Variants in LGR6 observed in about 807,000 individuals in gnomAD.
The protein encoded by LGR6 is leucine rich repeat containing G protein-coupled receptor 6.
Under a neutral mutation model 69.4 loss-of-function variants are expected in LGR6, and 45 were observed. The observed-to-expected ratio is 0.65, with a 90% confidence interval of 0.51 to 0.83. The LOEUF (loss-of-function observed/expected upper bound fraction) is 0.83, where lower values mean the gene tolerates loss of function less well. LGR6 is among the 40% of genes least tolerant of loss of function. The pLI, the probability that LGR6 is intolerant of heterozygous loss-of-function variation, is 0.00. For missense variants in LGR6, 1,108 were observed against 1,246.7 expected (o/e 0.89, Z 1.68); for synonymous variants, 538 against 555.0 (o/e 0.97, Z 0.43).
At chr1:202,278,312 T>C (rs1665745486) in intron 5 of LGR6, among the ~76,000 whole-genome samples, 1 of 151,874 alleles carries the variant, frequency 6.6e-6, no homozygotes, top group South Asian at 2.1e-4. Context: ...TGAGAGATTT[T>C]CAGAGGGTAG....
chr1:202,291,970 G>A (rs1293255060), intron 6 of LGR6, among the ~76,000 whole-genome samples: 3 of 152,204 alleles, frequency 2.0e-5, no homozygotes, highest in Non-Finnish European at 2.9e-5. Flanking sequence ...TGGATTGAGG[G>A]AGAAAGGTAT....
chr1:202,317,637 T>C (rs1654249525), intron 17 of LGR6, among the ~76,000 whole-genome samples: 1 of 152,214 alleles, frequency 6.6e-6, no homozygotes, highest in African/African-American at 2.4e-5. Context: ...TGAGCCACCA[T>C]GCCTGGCCTA....
intron 4 of LGR6, among the ~76,000 whole-genome samples, chr1:202,272,414 T>C (rs1220793845): frequency 1.3e-5 from 2 of 152,156 alleles, no homozygotes; most frequent in African/African-American, 4.8e-5. Context: ...CCAGTTTTCT[T>C]CCTTTTCTCC....
At chr1:202,198,221 G>C (rs1484522510) in intron 1 of LGR6, among the ~76,000 whole-genome samples, 1 of 152,174 alleles carries the variant, frequency 6.6e-6, no homozygotes, top group East Asian at 1.9e-4. Flanking sequence ...GCAGGATGCT[G>C]GAGGCAGAGA....
At chr1:202,208,404 G>T (rs373109397) in intron 1 of LGR6, among the ~76,000 whole-genome samples, 11 of 135,340 alleles carry the variant, frequency 8.1e-5, no homozygotes, top group South Asian at 2.2e-4. Flanking sequence ...GGAGAAGGAG[G>T]GGGGAGAGAG....
chr1:202,316,888 A>G (rs188634028), intron 17 of LGR6, among the ~76,000 whole-genome samples: 1 of 152,322 alleles, frequency 6.6e-6, no homozygotes, highest in East Asian at 1.9e-4. Flanking sequence ...CTTTGGAGAG[A>G]GGGATGGAAA....
Position 202,235,963 on chromosome 1 carries a change from CG to C in LGR6, c.399del (p.Leu134CysfsTer12). On this transcript the variant is annotated frameshift_variant, in exon 4 of 18. Coordinates refer to ENST00000367278, the MANE Select transcript of LGR6 (RefSeq NM_001017403.2). LOFTEE classifies it high-confidence loss of function. ...NNQLGGIPAE[A>X]LWELPSLQSL... The stretch of plus-strand genomic sequence containing the variant: ...CAGCTGGGAGGAATCCCCGCAGAGG[CG>C]CTGTGGGAGCTGCCGAGCCTGCAGT... The C allele has an allele frequency of 6.2e-7, 1 of 1,613,964 alleles. No individual in the cohort carries two copies. Among genetic ancestry groups the C allele is most frequent in the Non-Finnish European group, 8.5e-7 (1 of 1,179,994 alleles).
intron 15 of LGR6, 94 bp from the exon 16 acceptor site, chr1:202,310,103 C>A: frequency 7.6e-7 from 1 of 1,307,880 alleles, no homozygotes; most frequent in Non-Finnish European, 1.1e-6. Flanking sequence ...ACACTGAGTG[C>A]CCAGCCCCTG....
intron 4 of LGR6, among the ~76,000 whole-genome samples, chr1:202,247,308 C>T (rs930189924): frequency 6.6e-6 from 1 of 152,204 alleles, no homozygotes; most frequent in African/African-American, 2.4e-5. Context: ...TAACAGGACC[C>T]ATCCCTCCAC....
At chr1:202,302,925 C>T (rs1667713549) in intron 9 of LGR6, among the ~76,000 whole-genome samples, 1 of 152,102 alleles carries the variant, frequency 6.6e-6, no homozygotes. Context: ...TAAGCAAAAC[C>T]CAGCAGCCAA....
At chr1:202,225,366 T>C in intron 1 of LGR6, 57 bp from the exon 2 acceptor site, 1 of 1,524,508 alleles carries the variant, frequency 6.6e-7, no homozygotes, top group Non-Finnish European at 9.1e-7. Flanking sequence ...ACCTGGACAG[T>C]GCCAGATGGC....
rs574172924 is a variant in LGR6, at chr1:202,281,955, G to A, written c.716+1103G>A. ...TTATCCCAGGAGGCCTGGGCTAATG[G>A]CATTTGTGGTGGTGCAGGGAAAAGT... On this transcript the variant is annotated intron_variant, in intron 6 of 17. Coordinates refer to ENST00000367278, the MANE Select transcript of LGR6 (RefSeq NM_001017403.2). 2.6e-5 allele frequency among the ~76,000 whole-genome samples: 4 copies of A among 152,286 alleles called. No homozygotes were observed. The South Asian group carries it at 6.2e-4, about 24-fold the overall frequency.
Position 202,225,494 on chromosome 1 carries a change from T to A in LGR6, c.284T>A (p.Leu95Gln). 1.2e-6 allele frequency: 2 copies of A among 1,613,134 alleles called. No homozygotes were observed. The highest frequency in any genetic ancestry group is 1.7e-6 in the Non-Finnish European group (2 of 1,179,170). ...CACCACCTGCGCTTCTTGGAGGAGCTGTGAGTAGATGCTTTGCAGGGTGGG... is the reference window on the plus strand; with the variant it reads ...CACCACCTGCGCTTCTTGGAGGAGCAGTGAGTAGATGCTTTGCAGGGTGGG... ...LFHHLRFLEELRLSGNHLSHI... is the reference protein window; with the variant it reads ...LFHHLRFLEEQRLSGNHLSHI... The change falls in exon 2 of 18, where the codon CTG becomes CAG. Residue 95 changes from leucine to glutamine, a missense_variant and splice_region_variant. Coordinates refer to ENST00000367278, the MANE Select transcript of LGR6 (RefSeq NM_001017403.2).
intron 6 of LGR6, 171 bp downstream of exon 6, chr1:202,281,023 T>G: frequency 1.7e-6 from 1 of 595,818 alleles, no homozygotes; most frequent in South Asian, 2.0e-5. Flanking sequence ...GGAATATCAC[T>G]GAGAATGAAT....
intron 9 of LGR6, 119 bp from the exon 10 acceptor site, chr1:202,303,160 G>A (rs1393289104): frequency 5.1e-6 from 4 of 781,036 alleles, no homozygotes; most frequent in Admixed American, 3.6e-5. Flanking sequence ...AGATTGCAGG[G>A]AAGCATGACA....
intron 1 of LGR6, among the ~76,000 whole-genome samples, chr1:202,208,049 C>T (rs1469230093): frequency 1.3e-5 from 2 of 152,184 alleles, no homozygotes; most frequent in Non-Finnish European, 2.9e-5. Flanking sequence ...TCAGCCTCTC[C>T]CTCCAATCTC....
chr1:202,283,722 G>A (rs925363590), intron 6 of LGR6, among the ~76,000 whole-genome samples: 9 of 152,190 alleles, frequency 5.9e-5, no homozygotes, highest in Admixed American at 3.9e-4. Flanking sequence ...TCATGTGCAC[G>A]TGCAGCACAC....
intron 1 of LGR6, among the ~76,000 whole-genome samples, chr1:202,196,685 C>T (rs1340726039): frequency 2.0e-5 from 3 of 152,150 alleles, no homozygotes; most frequent in East Asian, 1.9e-4. Flanking sequence ...GCCTGACACC[C>T]GAGGGTAACT....
chr1:202,292,339 C>T (rs185060937), intron 6 of LGR6, among the ~76,000 whole-genome samples: 81 of 152,256 alleles, frequency 5.3e-4, no homozygotes, highest in African/African-American at 1.9e-3. Flanking sequence ...GCTGTGACAC[C>T]GAATTAGTTC....
Sources: gnomAD v4.1 joint callset for allele counts (sites outside exome capture counted in the v4.1 genomes callset) on GRCh38, gnomAD v4.1.1 for gene constraint, MANE v1.5 for transcripts, NCBI Gene and HGNC (gene_info 2026-07-23, HGNC 2026-07-21) for gene names.